The following SNF8 variants were observed in gnomAD, a reference collection of about 807,000 sequenced individuals.
SNF8 encodes the protein vacuolar-sorting protein SNF8.
A neutral mutation model predicts 36.8 loss-of-function variants in SNF8; 19 were observed. The observed-to-expected ratio is 0.52, with a 90% CI of 0.36 to 0.76. SNF8 has a LOEUF of 0.76. Ranked by LOEUF, SNF8 falls within the 30% of genes least tolerant of loss-of-function variation. The pLI is 0.00. For synonymous variants in SNF8, 127 were observed against 127.4 expected (o/e 1.00, Z 0.02); for missense variants, 268 against 322.9 (o/e 0.83, Z 1.30).
chr17:48,944,276 T>C, intron 1 of SNF8: 1 of 452,656 alleles, frequency 2.2e-6, no homozygotes, highest in Non-Finnish European at 4.0e-6. Flanking sequence ...CACTCCAACC[T>C]GGGCGACAGA....
chr17:48,939,268 A>G (rs1165118713), intron 3 of SNF8, among the ~76,000 whole-genome samples: 1 of 106,690 alleles, frequency 9.4e-6, no homozygotes, highest in Admixed American at 8.4e-5. Flanking sequence ...CTGTCTCAAG[A>G]AAAAAAAAAA....
intron 2 of SNF8, among the ~76,000 whole-genome samples, chr17:48,942,533 G>A (rs2041045363): frequency 6.6e-6 from 1 of 151,936 alleles, no homozygotes; most frequent in South Asian, 2.1e-4. Flanking sequence ...GGGTAAACTC[G>A]GAGCACGTAC....
intron 3 of SNF8, among the ~76,000 whole-genome samples, chr17:48,939,688 GAC>G (rs1406195277): frequency 6.6e-6 from 1 of 151,886 alleles, no homozygotes; most frequent in African/African-American, 2.4e-5. Context: ...CTCATCTCCT[GAC>G]CTTATGATCT....
chr17:48,944,332 G>A (rs1051951201), intron 1 of SNF8, among the ~76,000 whole-genome samples: 29 of 152,216 alleles, frequency 1.9e-4, no homozygotes, highest in African/African-American at 7.0e-4. Context: ...AAAACACAGA[G>A]TGGGCGCTGG....
At chr17:48,941,510 C>G (rs991991598) in intron 2 of SNF8, among the ~76,000 whole-genome samples, 1 of 151,984 alleles carries the variant, frequency 6.6e-6, no homozygotes, top group Non-Finnish European at 1.5e-5. Context: ...ATCTTTACCC[C>G]CCCCAGCCGA....
At position 48,943,954 on chromosome 17, in the gene SNF8, T is replaced by C. The variant is rs903564439; in HGVS notation, c.76A>G (p.Thr26Ala). 6.2e-7 allele frequency: 1 copy of C among 1,613,880 alleles called. No homozygotes were observed. Among genetic ancestry groups the C allele is most frequent in the African/African-American group, 1.3e-5 (1 of 74,902 alleles). The change falls in exon 2 of 8, where the codon ACG becomes GCG. Residue 26 changes from threonine to alanine, a missense_variant. Coordinates refer to ENST00000502492, the MANE Select transcript of SNF8 (RefSeq NM_007241.4). ...LAEAKYKERG[T>A]VLAEDQLAQM... Reference sequence around the variant, plus strand: ...GCTAGCTGGTCCTCAGCCAAGACCGTCCCTCGCTCCTTATACTTGGCCTGT... The same window carrying C: ...GCTAGCTGGTCCTCAGCCAAGACCGCCCCTCGCTCCTTATACTTGGCCTGT...
intron 3 of SNF8, 111 bp from the exon 4 acceptor site, chr17:48,937,235 G>T: frequency 2.3e-6 from 2 of 851,490 alleles, no homozygotes; most frequent in Non-Finnish European, 4.0e-6. Flanking sequence ...TGCATGGCAT[G>T]AAGTTCTTCT....
In SNF8 at chr17:48,941,303, C is replaced by T. The variant is rs189454643; in HGVS notation, c.106-241G>A. Among the ~76,000 whole-genome samples, 156 of 152,082 alleles carry T rather than the reference C, an allele frequency of 1.0e-3. 2 individuals are homozygous for T. Among genetic ancestry groups the T allele is most frequent in the Admixed American group, 1.4e-3 (22 of 15,254 alleles). On this transcript the variant is annotated intron_variant, in intron 2 of 7. Transcript: ENST00000502492. Reference sequence around the variant, plus strand: ...AAAATACACAATTTTTCATGTATTCCTCTTCTAAAATCAGCATGCATTTAA... The same window carrying T: ...AAAATACACAATTTTTCATGTATTCTTCTTCTAAAATCAGCATGCATTTAA...
At chr17:48,939,267 GA>G (rs57826158) in intron 3 of SNF8, among the ~76,000 whole-genome samples, 137 of 91,482 alleles carry the variant, frequency 1.5e-3, no homozygotes, top group East Asian at 5.0e-3. Flanking sequence ...TCTGTCTCAA[GA>G]AAAAAAAAAA....
At chr17:48,943,816 C>G in intron 2 of SNF8, 109 bp downstream of exon 2, 1 of 980,476 alleles carries the variant, frequency 1.0e-6, no homozygotes, top group Non-Finnish European at 1.6e-6. Flanking sequence ...CAAAATTTGC[C>G]AAACACCCTA....
At chr17:48,930,728 C>T in intron 7 of SNF8, 116 bp from the exon 8 acceptor site, 2 of 1,093,944 alleles carry the variant, frequency 1.8e-6, no homozygotes. Flanking sequence ...ACTAAATCTA[C>T]TAAGTGCCTT....
rs891136066 is a variant in SNF8 at position 48,933,328 on chromosome 17, G to A, written c.441C>T (p.Ala147=). 1 of 1,614,072 alleles carries A rather than the reference G, an allele frequency of 6.2e-7. No individual in the cohort carries two copies. The highest frequency in any genetic ancestry group is 8.5e-7 in the Non-Finnish European group (1 of 1,180,044). Residue 147 remains alanine, a synonymous_variant, in exon 6 of 8, where the codon GCC becomes GCT. Coordinates refer to ENST00000502492, the MANE Select transcript of SNF8 (RefSeq NM_007241.4). ...QDVSQDDLIR[A]IKKLKALGTG... is the part of the protein sequence containing the mutation. ...TGCCAAGTGCCTTTAGTTTCTTGAT[G>A]GCTCTGATCAGGTCATCTCTGAGGT...
At chr17:48,938,197 T>C (rs2040963973) in intron 3 of SNF8, among the ~76,000 whole-genome samples, 1 of 152,108 alleles carries the variant, frequency 6.6e-6, no homozygotes, top group Non-Finnish European at 1.5e-5. Context: ...GACAATATTC[T>C]ATTCAGTGAA....
intron 2 of SNF8, 135 bp downstream of exon 2, chr17:48,943,790 T>G (rs1368996684): frequency 8.1e-6 from 6 of 741,888 alleles, no homozygotes; most frequent in Non-Finnish European, 1.4e-5. Flanking sequence ...CTAAAAGATC[T>G]CAGCGGCTCA....
chr17:48,936,512 G>A (rs954662372), intron 4 of SNF8: 5 of 369,744 alleles, frequency 1.4e-5, no homozygotes, highest in Admixed American at 8.6e-5. Flanking sequence ...CATCAAGGCC[G>A]TGTCTATTTA....
chr17:48,930,724 T>C, intron 7 of SNF8, 112 bp from the exon 8 acceptor site: 1 of 1,125,594 alleles, frequency 8.9e-7, no homozygotes. Flanking sequence ...TCAAACTAAA[T>C]CTACTAAGTG....
At position 48,944,750 on chromosome 17, in the gene SNF8, G is replaced by A. The variant is rs1394456023; in HGVS notation, c.-16C>T. ...GGCGGTGCATCCCCACCCTGGGCCC[G>A]CGGGCCGCCCGGCTGCCGGGACCCC... On this transcript the variant is annotated 5_prime_UTR_variant, in exon 1 of 8. Transcript: ENST00000502492. 4 of 1,593,756 alleles carry A rather than the reference G, an allele frequency of 2.5e-6. No homozygotes were observed. The East Asian group carries it at 7.0e-5, about 28-fold the overall frequency.
At chr17:48,940,678 T>C (rs536220996) in intron 3 of SNF8, among the ~76,000 whole-genome samples, 2 of 152,228 alleles carry the variant, frequency 1.3e-5, no homozygotes, top group East Asian at 1.9e-4. Flanking sequence ...TATTCCCAGC[T>C]ACTCGGGAGG....
At chr17:48,939,737 C>T (rs1025352131) in intron 3 of SNF8, among the ~76,000 whole-genome samples, 2 of 151,902 alleles carry the variant, frequency 1.3e-5, no homozygotes, top group Admixed American at 1.3e-4. Context: ...GGATTACAGG[C>T]GTGAGCCACC....
Sources: allele counts gnomAD v4.1 joint callset (sites outside exome capture counted in the v4.1 genomes callset), GRCh38; gene constraint gnomAD v4.1.1; transcripts MANE v1.5; gene names NCBI Gene and HGNC (gene_info 2026-07-23, HGNC 2026-07-21).